The following SHB variants were observed in gnomAD, a reference collection of about 807,000 sequenced individuals.
The protein encoded by SHB is SH2 domain containing adaptor protein B.
Under a neutral mutation model 52.3 loss-of-function variants are expected in SHB, and 20 were observed. That is an observed-to-expected ratio of 0.38 (90% confidence interval 0.27 to 0.56). The LOEUF is 0.56. Ranked by LOEUF, SHB falls within the 20% of genes least tolerant of loss-of-function variation. The probability of loss-of-function intolerance (pLI) is 0.71; values close to 1 mark genes in which losing one functional copy is unlikely to be tolerated. For missense variants in SHB, 825 were observed against 723.3 expected (o/e 1.14, Z -1.61); for synonymous variants, 397 against 316.5 (o/e 1.25, Z -2.70).
chr9:37,949,329 G>A (rs969732574), intron 4 of SHB, among the ~76,000 whole-genome samples: 5 of 147,526 alleles, frequency 3.4e-5, no homozygotes, highest in African/African-American at 1.3e-4. Context: ...GGAGGCGGAG[G>A]TTGCAGTGAG....
At chr9:37,931,327 C>T (rs924586791) in intron 5 of SHB, among the ~76,000 whole-genome samples, 1 of 152,066 alleles carries the variant, frequency 6.6e-6, no homozygotes, top group Non-Finnish European at 1.5e-5. Context: ...AAAATATTTG[C>T]AAACCATGCA....
At chr9:38,031,217 A>G (rs1821407848) in intron 1 of SHB, among the ~76,000 whole-genome samples, 1 of 152,190 alleles carries the variant, frequency 6.6e-6, no homozygotes, top group South Asian at 2.1e-4. Flanking sequence ...GCTACTTGGG[A>G]GACTGAGGCA....
rs1587271819 is a variant in SHB, at chr9:38,064,903, G to A, written c.717+3026C>T. ...AATCCCAGCACTTTGGGAGGCCAAG[G>A]CAGGAGGATTGCTTGAGCCCAGGAG... is the stretch of plus-strand genomic sequence containing the variant. On this transcript the variant is annotated intron_variant, in intron 1 of 5. Transcript: ENST00000377707. Among the ~76,000 whole-genome samples, 3 of 152,342 alleles carry A rather than the reference G, an allele frequency of 2.0e-5. 1 individual carries two copies. Among genetic ancestry groups the A allele is most frequent in the Admixed American group, 1.3e-4 (2 of 15,304 alleles).
At chr9:37,969,368 G>A (rs1331010478) in intron 3 of SHB, among the ~76,000 whole-genome samples, 1 of 152,174 alleles carries the variant, frequency 6.6e-6, no homozygotes, top group Non-Finnish European at 1.5e-5. Flanking sequence ...TCTGTAAAAG[G>A]AGGAAACTAA....
intron 4 of SHB, among the ~76,000 whole-genome samples, chr9:37,951,059 G>A (rs950885110): frequency 6.6e-6 from 1 of 152,178 alleles, no homozygotes; most frequent in Non-Finnish European, 1.5e-5. Flanking sequence ...TGCCACTCAT[G>A]AGGCAGAGCT....
chr9:38,040,831 T>C (rs7042681), intron 1 of SHB, among the ~76,000 whole-genome samples: 88,440 of 151,048 alleles, frequency 0.59, 25,897 homozygotes, highest in Middle Eastern at 0.66. Flanking sequence ...TTGCCATAAA[T>C]GGAGGAAGCA....
chr9:38,065,021 G>A lies in SHB; in HGVS notation c.717+2908C>T, dbSNP rs554049661. ...CCCCAGTTACTCAGGAGGCTAAGGCGGGAGGATTGCTTGAGGCTGGGAGGT... is the reference window on the plus strand; with the variant it reads ...CCCCAGTTACTCAGGAGGCTAAGGCAGGAGGATTGCTTGAGGCTGGGAGGT... On this transcript the variant is annotated intron_variant, in intron 1 of 5. Transcript: ENST00000377707. 5.9e-5 allele frequency among the ~76,000 whole-genome samples: 9 copies of A among 152,228 alleles called. No homozygotes were observed. In the East Asian group the frequency reaches 7.7e-4, roughly 13 times the overall value.
chr9:37,944,232 G>A (rs982356970), intron 5 of SHB, among the ~76,000 whole-genome samples: 4 of 152,170 alleles, frequency 2.6e-5, no homozygotes, highest in South Asian at 2.1e-4. Flanking sequence ...GTGTGCAGGC[G>A]CCACTGTGGG....
chr9:37,979,363 T>G (rs1237914352), intron 2 of SHB, among the ~76,000 whole-genome samples: 2 of 152,058 alleles, frequency 1.3e-5, no homozygotes, highest in African/African-American at 2.4e-5. Flanking sequence ...AGCACTTTCT[T>G]TAGAATCAGA....
chr9:37,962,806 C>T (rs1832708344), intron 3 of SHB, among the ~76,000 whole-genome samples: 1 of 152,272 alleles, frequency 6.6e-6, no homozygotes, highest in South Asian at 2.1e-4. Flanking sequence ...AGCCACTATG[C>T]CTGGCCTAGC....
chr9:38,040,117 C>G (rs12350388), intron 1 of SHB, among the ~76,000 whole-genome samples: 5 of 152,204 alleles, frequency 3.3e-5, no homozygotes, highest in African/African-American at 1.2e-4. Flanking sequence ...CCCATAGCCG[C>G]TATCTGCTGT....
intron 1 of SHB, among the ~76,000 whole-genome samples, chr9:38,026,905 G>C (rs1046531235): frequency 3.3e-5 from 5 of 152,204 alleles, no homozygotes; most frequent in African/African-American, 1.2e-4. Flanking sequence ...ATACAGAGGA[G>C]AGGAAAGGCA....
At chr9:37,948,122 T>C (rs1832515256) in intron 5 of SHB, among the ~76,000 whole-genome samples, 1 of 152,112 alleles carries the variant, frequency 6.6e-6, no homozygotes, top group Non-Finnish European at 1.5e-5. Context: ...CTAGACTTTG[T>C]GCAACACCCA....
At chr9:37,922,150 G>A (rs1832188995) in intron 5 of SHB, among the ~76,000 whole-genome samples, 1 of 152,264 alleles carries the variant, frequency 6.6e-6, no homozygotes, top group South Asian at 2.1e-4. Flanking sequence ...AGTGGAGGAG[G>A]TGTCAGGCAG....
intron 2 of SHB, among the ~76,000 whole-genome samples, chr9:37,984,035 CTA>C (rs1356630513): frequency 2.6e-5 from 4 of 152,204 alleles, no homozygotes; most frequent in African/African-American, 9.6e-5. Flanking sequence ...TTCTTCATCT[CTA>C]GAGGGGAGAA....
intron 1 of SHB, among the ~76,000 whole-genome samples, chr9:38,022,248 GC>G (rs1435550732): frequency 6.6e-6 from 1 of 152,136 alleles, no homozygotes; most frequent in Admixed American, 6.5e-5. Context: ...CATGAAGCAA[GC>G]CCCCCTGTCT....
At chr9:38,047,169 A>T (rs1821661856) in intron 1 of SHB, among the ~76,000 whole-genome samples, 1 of 152,240 alleles carries the variant, frequency 6.6e-6, no homozygotes, top group Non-Finnish European at 1.5e-5. Flanking sequence ...ATAAAAACAG[A>T]GAAGTTTGGC....
At chr9:37,992,169 G>A (rs545518398) in intron 2 of SHB, among the ~76,000 whole-genome samples, 1 of 152,310 alleles carries the variant, frequency 6.6e-6, no homozygotes, top group East Asian at 1.9e-4. Flanking sequence ...GAGAGGCCGA[G>A]GTGGGAGGGT....
chr9:37,933,412 A>T (rs1312675947), intron 5 of SHB, among the ~76,000 whole-genome samples: 2 of 152,164 alleles, frequency 1.3e-5, no homozygotes, highest in African/African-American at 2.4e-5. Context: ...CTCATACCAC[A>T]TGGGAAGGAA....
Sources: allele counts gnomAD v4.1 joint callset (sites outside exome capture counted in the v4.1 genomes callset), GRCh38; gene constraint gnomAD v4.1.1; transcripts MANE v1.5; gene names NCBI Gene and HGNC (gene_info 2026-07-23, HGNC 2026-07-21).